Variants in CDH13 observed in about 807,000 individuals in gnomAD.
CDH13 encodes the protein cadherin-13.
CDH13 carries 24 observed loss-of-function variants against 63.8 expected under a neutral mutation model. The observed-to-expected ratio is 0.38, with a 90% CI of 0.27 to 0.53. The LOEUF (loss-of-function observed/expected upper bound fraction) is 0.53, where lower values mean the gene tolerates loss of function less well. Ranked by LOEUF, CDH13 falls within the 20% of genes least tolerant of loss-of-function variation. The probability of loss-of-function intolerance (pLI) is 0.85; values close to 1 mark genes in which losing one functional copy is unlikely to be tolerated. For missense variants in CDH13, 1,049 were observed against 903.1 expected, an observed-to-expected ratio of 1.16 and a Z score of -2.07; for synonymous variants, 503 against 355.3, an observed-to-expected ratio of 1.42 and a Z score of -4.67.
chr16:83,503,942 G>C (rs570858776), intron 7 of CDH13, among the ~76,000 whole-genome samples: 1 of 150,608 alleles, frequency 6.6e-6, no homozygotes, highest in South Asian at 2.1e-4. Context: ...ATTGCTTTTG[G>C]TGTTTTAGTT....
chr16:83,044,646 A>G (rs1917614609), intron 3 of CDH13, among the ~76,000 whole-genome samples: 1 of 152,202 alleles, frequency 6.6e-6, no homozygotes, highest in African/African-American at 2.4e-5. Flanking sequence ...TTGTTTATAT[A>G]TGCATTACCC....
At chr16:82,698,744 C>T (rs1008821651) in intron 1 of CDH13, among the ~76,000 whole-genome samples, 1 of 152,094 alleles carries the variant, frequency 6.6e-6, no homozygotes, top group Non-Finnish European at 1.5e-5. Context: ...CGTGAAGAAT[C>T]GGAACATTTT....
At chr16:82,683,057 G>A (rs1914713188) in intron 1 of CDH13, among the ~76,000 whole-genome samples, 1 of 152,146 alleles carries the variant, frequency 6.6e-6, no homozygotes, top group African/African-American at 2.4e-5. Flanking sequence ...AGTTTCCATG[G>A]AGCTTAGTGT....
intron 1 of CDH13, among the ~76,000 whole-genome samples, chr16:82,696,271 A>C (rs1379079623): frequency 6.6e-6 from 1 of 152,248 alleles, no homozygotes; most frequent in African/African-American, 2.4e-5. Flanking sequence ...ATTCAAATAC[A>C]TCTTTACTAA....
At chr16:82,811,096 G>C (rs967574992) in intron 1 of CDH13, among the ~76,000 whole-genome samples, 1 of 152,074 alleles carries the variant, frequency 6.6e-6, no homozygotes, top group Non-Finnish European at 1.5e-5. Context: ...TATCATTGTG[G>C]TAATAAAGAA....
At chr16:83,212,198 C>T (rs2039357827) in intron 4 of CDH13, among the ~76,000 whole-genome samples, 1 of 152,090 alleles carries the variant, frequency 6.6e-6, no homozygotes, top group African/African-American at 2.4e-5. Flanking sequence ...ACTTGATTTG[C>T]ATGGAGTGGT....
chr16:83,274,339 C>T (rs1194242629), intron 5 of CDH13, among the ~76,000 whole-genome samples: 2 of 152,110 alleles, frequency 1.3e-5, no homozygotes, highest in African/African-American at 2.4e-5. Context: ...TAGCTCAGGC[C>T]CTTGGTACAT....
At chr16:83,113,987 C>T (rs1469184523) in intron 3 of CDH13, among the ~76,000 whole-genome samples, 1 of 152,126 alleles carries the variant, frequency 6.6e-6, no homozygotes, top group African/African-American at 2.4e-5. Flanking sequence ...TGTAAAAGAT[C>T]TCGCTGGCTG....
chr16:83,084,120 T>C (rs376223830), intron 3 of CDH13, among the ~76,000 whole-genome samples: 97 of 152,302 alleles, frequency 6.4e-4, no homozygotes, highest in African/African-American at 2.2e-3. Flanking sequence ...ATTTGGATGT[T>C]ATAGGTAGCG....
intron 6 of CDH13, among the ~76,000 whole-genome samples, chr16:83,432,277 A>G (rs1243610809): frequency 6.6e-6 from 1 of 152,212 alleles, no homozygotes; most frequent in Non-Finnish European, 1.5e-5. Context: ...GATCCGTTCG[A>G]GGAGTATCAG....
chr16:83,487,838 T>C (rs7203064), intron 7 of CDH13, among the ~76,000 whole-genome samples: 103,165 of 152,034 alleles, frequency 0.68, 36,125 homozygotes, highest in East Asian at 0.89. Context: ...TTTCCTCTGC[T>C]TTCTCCTCTC....
chr16:83,399,429 G>T (rs781365626), intron 6 of CDH13, among the ~76,000 whole-genome samples: 1 of 152,154 alleles, frequency 6.6e-6, no homozygotes, highest in Non-Finnish European at 1.5e-5. Context: ...AAGTGTATTT[G>T]CTTACTGCAG....
intron 4 of CDH13, among the ~76,000 whole-genome samples, chr16:83,149,139 T>C (rs920707746): frequency 2.0e-5 from 3 of 152,226 alleles, no homozygotes; most frequent in African/African-American, 7.2e-5. Flanking sequence ...TATGGTAAGG[T>C]TGGAATTACA....
chr16:83,107,381 A>G (rs1362358273), intron 3 of CDH13, among the ~76,000 whole-genome samples: 2 of 152,206 alleles, frequency 1.3e-5, no homozygotes, highest in Admixed American at 6.5e-5. Flanking sequence ...AGTTTGGTAC[A>G]TAATAGGTGC....
intron 6 of CDH13, among the ~76,000 whole-genome samples, chr16:83,371,602 A>AT (rs561814220): frequency 6.6e-5 from 10 of 152,368 alleles, no homozygotes; most frequent in Non-Finnish European, 1.3e-4. Flanking sequence ...CGTTTCCATA[A>AT]TTTAAATCAT....
chr16:83,228,162 T>C (rs1211567300), intron 5 of CDH13, among the ~76,000 whole-genome samples: 1 of 152,164 alleles, frequency 6.6e-6, no homozygotes, highest in African/African-American at 2.4e-5. Context: ...TTCTCAACCA[T>C]GGATGCTTCA....
At chr16:83,346,021 G>T (rs1421514648) in intron 6 of CDH13, among the ~76,000 whole-genome samples, 3 of 152,142 alleles carry the variant, frequency 2.0e-5, no homozygotes, top group Non-Finnish European at 2.9e-5. Context: ...GTGGATAATT[G>T]TATGCAAGAT....
At chr16:83,499,260 A>G (rs1010851379) in intron 7 of CDH13, among the ~76,000 whole-genome samples, 7 of 152,254 alleles carry the variant, frequency 4.6e-5, no homozygotes, top group African/African-American at 1.7e-4. Flanking sequence ...GGTGGTTTGC[A>G]AAATACTCCT....
In CDH13 at chr16:83,302,343, C is replaced by T. The variant is rs369796923; in HGVS notation, c.637-42519C>T. 3.3e-5 allele frequency among the ~76,000 whole-genome samples: 5 copies of T among 152,224 alleles called. No individual in the cohort carries two copies. In the South Asian group the frequency reaches 1.0e-3, roughly 32 times the overall value. ...GTAATACTGACATTATAGATAATTC[C>T]ATGGCAATCAAATCATGGAAAATAT... On this transcript the variant is annotated intron_variant, in intron 5 of 13. Transcript: ENST00000567109.
Sources: allele counts gnomAD v4.1 joint callset (sites outside exome capture counted in the v4.1 genomes callset), GRCh38; gene constraint gnomAD v4.1.1; transcripts MANE v1.5; gene names NCBI Gene and HGNC (gene_info 2026-07-23, HGNC 2026-07-21).